PTPRD: variants seen among roughly 807,000 people sequenced by gnomAD.
The protein encoded by PTPRD is protein tyrosine phosphatase receptor type D.
Under a neutral mutation model 214.5 loss-of-function variants are expected in PTPRD, and 34 were observed. The ratio of observed to expected loss-of-function variants is 0.16; its 90% CI spans 0.12 to 0.21. The LOEUF is 0.21. Among genes scored for constraint, PTPRD ranks in the 10% least tolerant of loss-of-function variants. PTPRD has a pLI of 1.00. For synonymous variants in PTPRD, 1,128 were observed against 845.7 expected, an observed-to-expected ratio of 1.33 and a Z score of -5.79; for missense variants, 2,545 against 2,398.7, an observed-to-expected ratio of 1.06 and a Z score of -1.27.
At chr9:9,347,328 ATATATATC>A (rs901902838) in intron 9 of PTPRD, among the ~76,000 whole-genome samples, 3 of 149,784 alleles carry the variant, frequency 2.0e-5, no homozygotes, top group Admixed American at 6.7e-5. Flanking sequence ...ATAAATATAT[ATATATATC>A]TATATATCTA....
At chr9:9,207,824 G>A (rs1462588317) in intron 9 of PTPRD, among the ~76,000 whole-genome samples, 1 of 151,864 alleles carries the variant, frequency 6.6e-6, no homozygotes, top group Non-Finnish European at 1.5e-5. Flanking sequence ...TCAATGGCAG[G>A]TTGGTTGAAT....
chr9:10,375,481 A>G lies in PTPRD; in HGVS notation c.-599-34464T>C, dbSNP rs550579670. Among the ~76,000 whole-genome samples, 5 of 152,136 alleles carry G rather than the reference A, an allele frequency of 3.3e-5. No individual in the cohort carries two copies. The South Asian group carries it at 8.3e-4, about 25-fold the overall frequency. On this transcript the variant is annotated intron_variant, in intron 2 of 45. Coordinates refer to ENST00000381196, the MANE Select transcript of PTPRD (RefSeq NM_002839.4). ...CCTCTTTATAGCAAGTGAGGAGAAG[A>G]TATCTGAAATGTATTTTTAAATATT...
At chr9:10,310,117 G>A (rs1390262185) in intron 3 of PTPRD, among the ~76,000 whole-genome samples, 2 of 152,030 alleles carry the variant, frequency 1.3e-5, no homozygotes, top group African/African-American at 4.8e-5. Context: ...ACACGAACAA[G>A]AAGCCTTTAT....
rs371646022 is a variant in PTPRD, at chr9:8,638,163, G to C, written c.65-1319C>G. On this transcript the variant is annotated intron_variant, in intron 12 of 45. Transcript: ENST00000381196. ...TACAGATTTTCTCTTCTCTCCTACT[G>C]TGTTCTACTTACATGTCATTGAAAA... Among the ~76,000 whole-genome samples, 18 of 129,394 alleles carry C rather than the reference G, an allele frequency of 1.4e-4. No individual in the cohort carries two copies. In the East Asian group the frequency reaches 3.3e-3, roughly 24 times the overall value. 84.9% of individuals were successfully genotyped at this position (129,394 alleles called of 152,430 possible).
At chr9:9,109,465 A>C (rs1351099645) in intron 10 of PTPRD, among the ~76,000 whole-genome samples, 1 of 152,156 alleles carries the variant, frequency 6.6e-6, no homozygotes, top group East Asian at 1.9e-4. Context: ...TGAAGATGCA[A>C]AGACCTACCT....
chr9:8,914,033 A>G (rs2154263468), intron 11 of PTPRD, among the ~76,000 whole-genome samples: 1 of 152,280 alleles, frequency 6.6e-6, no homozygotes, highest in South Asian at 2.1e-4. Context: ...GGATTCAGAG[A>G]TTAATTATAC....
At chr9:10,130,441 G>T (rs925235373) in intron 3 of PTPRD, among the ~76,000 whole-genome samples, 1 of 152,008 alleles carries the variant, frequency 6.6e-6, no homozygotes, top group African/African-American at 2.4e-5. Flanking sequence ...GAGTGATAAT[G>T]ATGCCATATC....
At chr9:9,544,095 A>T (rs149276747) in intron 8 of PTPRD, among the ~76,000 whole-genome samples, 2,494 of 151,684 alleles carry the variant, frequency 0.016, 39 homozygotes, top group Admixed American at 0.026. Flanking sequence ...CTTCAAAATA[A>T]CCTTGGTTTG....
intron 7 of PTPRD, among the ~76,000 whole-genome samples, chr9:9,719,120 T>C (rs2097888685): frequency 1.3e-5 from 2 of 152,144 alleles, no homozygotes; most frequent in African/African-American, 4.8e-5. Flanking sequence ...CAAAACAGCA[T>C]GCACTTCTGC....
At position 9,837,009 on chromosome 9, in the gene PTPRD, T is replaced by A. The variant is rs540201552; in HGVS notation, c.-367-70158A>T. On this transcript the variant is annotated intron_variant, in intron 5 of 45. Transcript: ENST00000381196. ...TTAATTGAAGATAAACATAAGTGAA[T>A]GCATGAAAACTAATTATATCCTTAT... 5.9e-5 allele frequency among the ~76,000 whole-genome samples: 9 copies of A among 152,330 alleles called. No homozygotes were observed. In the South Asian group the frequency reaches 1.7e-3, roughly 28 times the overall value.
At chr9:8,489,879 T>A (rs754095268) in intron 27 of PTPRD, among the ~76,000 whole-genome samples, 1 of 152,174 alleles carries the variant, frequency 6.6e-6, no homozygotes, top group Non-Finnish European at 1.5e-5. Flanking sequence ...TTTGTGCAAA[T>A]ACTTGTACAC....
intron 5 of PTPRD, among the ~76,000 whole-genome samples, chr9:9,878,238 G>C (rs2067497226): frequency 6.6e-6 from 1 of 152,184 alleles, no homozygotes; most frequent in African/African-American, 2.4e-5. Flanking sequence ...CATTCATTTA[G>C]TCACATAGGA....
At chr9:9,038,729 G>C (rs2099630055) in intron 10 of PTPRD, among the ~76,000 whole-genome samples, 1 of 151,618 alleles carries the variant, frequency 6.6e-6, no homozygotes, top group Admixed American at 6.6e-5. Flanking sequence ...TAATTTTTTT[G>C]TATTTTTAGT....
chr9:9,285,394 T>C (rs1256206626), intron 9 of PTPRD, among the ~76,000 whole-genome samples: 2 of 151,800 alleles, frequency 1.3e-5, no homozygotes, highest in African/African-American at 4.8e-5. Context: ...TAAAGACTCA[T>C]CTATTCTAAA....
chr9:8,947,449 C>T (rs1328140225), intron 11 of PTPRD, among the ~76,000 whole-genome samples: 2 of 125,784 alleles, frequency 1.6e-5, no homozygotes, highest in Non-Finnish European at 3.1e-5. Flanking sequence ...GATGACAGAG[C>T]GAGACTCTGT....
intron 5 of PTPRD, among the ~76,000 whole-genome samples, chr9:9,770,963 T>C (rs1030922812): frequency 6.6e-6 from 1 of 152,174 alleles, no homozygotes; most frequent in Non-Finnish European, 1.5e-5. Flanking sequence ...TGCAGTATCA[T>C]TAGAACTACA....
intron 7 of PTPRD, among the ~76,000 whole-genome samples, chr9:9,670,315 G>A (rs2096802779): frequency 6.6e-6 from 1 of 152,138 alleles, no homozygotes; most frequent in Admixed American, 6.5e-5. Context: ...AAGCAGCAAA[G>A]CATTCAAGAG....
intron 5 of PTPRD, among the ~76,000 whole-genome samples, chr9:9,779,540 G>A (rs144367005): frequency 6.6e-6 from 1 of 152,094 alleles, no homozygotes; most frequent in East Asian, 1.9e-4. Context: ...TAAAAAAATG[G>A]ACAAAATATG....
chr9:8,553,670 C>T (rs1021358583), intron 14 of PTPRD, among the ~76,000 whole-genome samples: 1 of 152,160 alleles, frequency 6.6e-6, no homozygotes, highest in Admixed American at 6.5e-5. Flanking sequence ...CGCTTCTCAG[C>T]CTTTTGGCTA....
Sources: allele counts gnomAD v4.1 joint callset (sites outside exome capture counted in the v4.1 genomes callset), GRCh38; gene constraint gnomAD v4.1.1; transcripts MANE v1.5; gene names NCBI Gene and HGNC (gene_info 2026-07-23, HGNC 2026-07-21).